Variants in USP26 observed in about 807,000 individuals in gnomAD.
USP26 encodes the protein ubiquitin carboxyl-terminal hydrolase 26.
For missense variants in USP26, 649 were observed against 642.3 expected (o/e 1.01, Z -0.11); for synonymous variants, 236 against 240.6 (o/e 0.98, Z 0.18).
At chrX:133,036,058 A>G (rs1036881922) in intron 5 of USP26, among the ~76,000 whole-genome samples, 1 of 110,845 alleles carries the variant, frequency 9.0e-6, no homozygotes, top group African/African-American at 3.3e-5. Context: ...TGGAGGCTAC[A>G]GTGAGCTGTG....
At chrX:133,089,484 C>A (rs916750007) in intron 4 of USP26, among the ~76,000 whole-genome samples, 1 of 111,611 alleles carries the variant, frequency 9.0e-6, no homozygotes, top group African/African-American at 3.3e-5. Flanking sequence ...TTGGTCAGAA[C>A]AGAACTCAGC....
chrX:133,026,317 G>A lies in USP26; in HGVS notation c.1904C>T (p.Pro635Leu). ...QQKYLGKNSK[P>L]NELESVYSGD... ...TGAGTATACAGATTCTAGCTCATTT[G>A]GTTTAGAATTTTTTCCAAGGTACTT... is the stretch of plus-strand genomic sequence containing the variant. The change falls in exon 6 of 6, where the codon CCA becomes CTA. Residue 635 changes from proline to leucine, a missense_variant. Coordinates refer to ENST00000511190, the MANE Select transcript of USP26 (RefSeq NM_031907.3). The A allele has an allele frequency of 1.7e-6, 2 of 1,206,593 alleles. No individual in the cohort carries two copies. The highest frequency in any genetic ancestry group is 2.2e-6 in the Non-Finnish European group (2 of 894,498).
intron 5 of USP26, among the ~76,000 whole-genome samples, chrX:133,036,673 T>A (rs1258406290): frequency 8.9e-6 from 1 of 112,437 alleles, no homozygotes; most frequent in Non-Finnish European, 1.9e-5. Context: ...GAATGATTTA[T>A]AATTCTTTGG....
chrX:133,080,865 G>C (rs2067567672), intron 5 of USP26, among the ~76,000 whole-genome samples: 1 of 111,625 alleles, frequency 9.0e-6, no homozygotes, highest in African/African-American at 3.3e-5. Context: ...TCTGAACAGA[G>C]GCAATCCAAT....
chrX:133,079,971 C>T (rs1336054601), intron 5 of USP26, among the ~76,000 whole-genome samples: 1 of 111,230 alleles, frequency 9.0e-6, no homozygotes, highest in African/African-American at 3.3e-5. Flanking sequence ...TTACATGTTT[C>T]CTAAGGCCAC....
chrX:133,025,878 C>G lies in USP26; in HGVS notation c.2343G>C (p.Gln781His). Residue 781 changes from glutamine to histidine, a missense_variant, in exon 6 of 6, where the codon CAG (glutamine) becomes CAC (histidine). Coordinates refer to ENST00000511190, the MANE Select transcript of USP26 (RefSeq NM_031907.3). Reference sequence around the variant, plus strand: ...CAAGTAGGGAATTCCTGTTAGACTTCTGTAGATTTAATTTTGTAGGTCTTA... The same window carrying G: ...CAAGTAGGGAATTCCTGTTAGACTTGTGTAGATTTAATTTTGTAGGTCTTA... Reference protein sequence around the residue: ...NLLRPTKLNLQKSNRNSLLAL... With the variant: ...NLLRPTKLNLHKSNRNSLLAL... The G allele has an allele frequency of 8.3e-7, 1 of 1,211,131 alleles. No homozygotes were observed. Among genetic ancestry groups the G allele is most frequent in the Non-Finnish European group, 1.1e-6 (1 of 895,254 alleles).
chrX:133,086,549 G>T (rs779640323), intron 4 of USP26, among the ~76,000 whole-genome samples: 1 of 111,020 alleles, frequency 9.0e-6, no homozygotes, highest in African/African-American at 3.3e-5. Flanking sequence ...GTTTGAGGCT[G>T]CAGTGAGCCA....
At chrX:133,093,826 C>G (rs1184458007) in intron 1 of USP26, among the ~76,000 whole-genome samples, 3 of 103,934 alleles carry the variant, frequency 2.9e-5, no homozygotes, top group African/African-American at 1.1e-4. Flanking sequence ...ATAAAAAATA[C>G]AAAAATTAGC....
At chrX:133,050,374 T>A (rs2067454858) in intron 5 of USP26, among the ~76,000 whole-genome samples, 2 of 111,990 alleles carry the variant, frequency 1.8e-5, no homozygotes, top group Non-Finnish European at 3.8e-5. Flanking sequence ...AAAGAGGCAA[T>A]GCATTTTAAC....
chrX:133,091,895 A>T (rs1323585988), intron 1 of USP26, among the ~76,000 whole-genome samples: 1 of 111,954 alleles, frequency 8.9e-6, no homozygotes, highest in Non-Finnish European at 1.9e-5. Context: ...CTGGTACTGG[A>T]CTTTTCCATC....
intron 5 of USP26, among the ~76,000 whole-genome samples, chrX:133,036,122 T>TTA (rs56291269): frequency 0.014 from 1,534 of 106,499 alleles, 28 homozygotes; most frequent in African/African-American, 0.047. Context: ...CTAAAAAAAA[T>TTA]TATATATATA....
chrX:133,040,791 G>A (rs765243119), intron 5 of USP26, among the ~76,000 whole-genome samples: 29 of 111,259 alleles, frequency 2.6e-4, no homozygotes, highest in Admixed American at 4.8e-4. Flanking sequence ...TGTGTTTTCC[G>A]ACTTGGTTCC....
intron 5 of USP26, among the ~76,000 whole-genome samples, chrX:133,059,816 C>A (rs1223443415): frequency 1.8e-5 from 2 of 111,837 alleles, no homozygotes; most frequent in Admixed American, 1.9e-4. Context: ...CACTCTTCCT[C>A]TTCCTTAAAA....
chrX:133,094,161 C>T (rs2067619108), intron 1 of USP26, among the ~76,000 whole-genome samples: 1 of 110,986 alleles, frequency 9.0e-6, no homozygotes, highest in South Asian at 3.8e-4. Context: ...AATTATCCCA[C>T]TGAATACACA....
At chrX:133,080,679 A>G (rs979790632) in intron 5 of USP26, among the ~76,000 whole-genome samples, 1 of 111,584 alleles carries the variant, frequency 9.0e-6, no homozygotes, top group East Asian at 2.8e-4. Flanking sequence ...AGAATTGCAG[A>G]ATTCACAGCG....
chrX:133,077,828 C>G (rs1342156422), intron 5 of USP26, among the ~76,000 whole-genome samples: 2 of 111,654 alleles, frequency 1.8e-5, no homozygotes, highest in Non-Finnish European at 3.8e-5. Flanking sequence ...ACGCCTGTAA[C>G]CCCAATACTT....
intron 5 of USP26, among the ~76,000 whole-genome samples, chrX:133,068,785 T>C (rs1482695585): frequency 8.9e-6 from 1 of 112,654 alleles, no homozygotes; most frequent in African/African-American, 3.2e-5. Context: ...ACAAGAGGAA[T>C]GCAATATATT....
In USP26 at chrX:133,025,747, C is replaced by A; in HGVS notation, c.2474G>T (p.Arg825Leu). ...RNDDKGDHTY[R>L]LISVVSHLGK... The stretch of plus-strand genomic sequence containing the variant: ...AAGATGGCTGACAACACTAATGAGC[C>A]GGTAGGTATGATCTCCCTTATCATC... Residue 825 changes from arginine to leucine, a missense_variant, in exon 6 of 6, where the codon CGG becomes CTG. Physicochemically the swap from Arg to Leu is moderately radical, Grantham distance 102. Transcript: ENST00000511190. 8.3e-7 allele frequency: 1 copy of A among 1,209,741 alleles called. No individual in the cohort carries two copies. The highest frequency in any genetic ancestry group is 1.1e-6 in the Non-Finnish European group (1 of 893,831).
chrX:133,053,763 CTTG>C (rs1178851958), intron 5 of USP26, among the ~76,000 whole-genome samples: 1 of 111,423 alleles, frequency 9.0e-6, no homozygotes, highest in African/African-American at 3.3e-5. Flanking sequence ...TTTAAGAATT[CTTG>C]GTGATGATGG....
Sources: allele counts gnomAD v4.1 joint callset (sites outside exome capture counted in the v4.1 genomes callset), GRCh38; gene constraint gnomAD v4.1.1; transcripts MANE v1.5; gene names NCBI Gene and HGNC (gene_info 2026-07-23, HGNC 2026-07-21).